TEX14: variants seen among roughly 807,000 people sequenced by gnomAD.
The protein encoded by TEX14 is inactive serine/threonine-protein kinase TEX14.
TEX14 carries 168 observed loss-of-function variants against 178.6 expected under a neutral mutation model. The ratio of observed to expected loss-of-function variants is 0.94; its 90% confidence interval spans 0.83 to 1.07. The LOEUF is 1.07. Among genes scored for constraint, TEX14 ranks in the 50% least tolerant of loss-of-function variants. The probability of loss-of-function intolerance (pLI) is 0.00; values close to 1 mark genes in which losing one functional copy is unlikely to be tolerated. For synonymous variants in TEX14, 626 were observed against 634.1 expected (o/e 0.99, Z 0.19); for missense variants, 1,730 against 1,753.6 (o/e 0.99, Z 0.24).
chr17:58,574,133 T>C, intron 22 of TEX14, 54 bp downstream of exon 22: 1 of 1,434,698 alleles, frequency 7.0e-7, no homozygotes, highest in Non-Finnish European at 9.8e-7. Context: ...TACTATTCCC[T>C]TAAAACCAAG....
intron 1 of TEX14, among the ~76,000 whole-genome samples, chr17:58,652,367 G>T (rs552877415): frequency 4.2e-4 from 64 of 152,262 alleles, no homozygotes; most frequent in African/African-American, 1.5e-3. Flanking sequence ...CATGGTGGCG[G>T]TTACCCTCAT....
At chr17:58,596,701 T>C (rs572507121) in intron 14 of TEX14, among the ~76,000 whole-genome samples, 208 of 149,628 alleles carry the variant, frequency 1.4e-3, no homozygotes, top group African/African-American at 4.9e-3. Context: ...CTGGGCAACA[T>C]AGTGAAACCC....
intron 2 of TEX14, among the ~76,000 whole-genome samples, chr17:58,641,239 C>T (rs1023042226): frequency 3.3e-4 from 50 of 151,762 alleles, no homozygotes; most frequent in Non-Finnish European, 5.6e-4. Flanking sequence ...GGAGAAACCC[C>T]GTCTCTACTA....
intron 2 of TEX14, among the ~76,000 whole-genome samples, chr17:58,632,366 G>A (rs967004584): frequency 1.3e-5 from 2 of 152,148 alleles, no homozygotes; most frequent in Non-Finnish European, 2.9e-5. Flanking sequence ...TGGCATTGCT[G>A]TGTTTATTTT....
chr17:58,573,061 A>G, intron 23 of TEX14, 120 bp downstream of exon 23: 1 of 1,414,696 alleles, frequency 7.1e-7, no homozygotes. Context: ...GGCCCTAAAG[A>G]AAAACCTTTG....
intron 21 of TEX14, among the ~76,000 whole-genome samples, chr17:58,575,370 C>T (rs933456595): frequency 1.3e-5 from 2 of 152,136 alleles, no homozygotes; most frequent in African/African-American, 2.4e-5. Flanking sequence ...CCTGCCTCGG[C>T]CTCCCAAAGT....
At chr17:58,615,133 C>T in intron 8 of TEX14, 99 bp downstream of exon 8, 1 of 662,968 alleles carries the variant, frequency 1.5e-6, no homozygotes. Flanking sequence ...AGACTGAGAG[C>T]AGCTGGAGCT....
intron 12 of TEX14, 61 bp from the exon 13 acceptor site, chr17:58,602,017 T>G (rs2045464516): frequency 6.4e-7 from 1 of 1,560,384 alleles, no homozygotes. Flanking sequence ...TCACTGGTGC[T>G]TTAGAAACCA....
chr17:58,583,469 T>A (rs1359964927), intron 19 of TEX14, among the ~76,000 whole-genome samples: 1 of 152,074 alleles, frequency 6.6e-6, no homozygotes, highest in Non-Finnish European at 1.5e-5. Context: ...CATACTATGG[T>A]GCCCAGCCTG....
At chr17:58,670,901 A>T (rs2143474195) in intron 1 of TEX14, among the ~76,000 whole-genome samples, 1 of 152,156 alleles carries the variant, frequency 6.6e-6, no homozygotes, top group East Asian at 1.9e-4. Flanking sequence ...GCATATATTA[A>T]TTAGCTCCCT....
intron 1 of TEX14, among the ~76,000 whole-genome samples, chr17:58,675,860 T>G (rs2143510906): frequency 6.6e-6 from 1 of 152,360 alleles, no homozygotes; most frequent in East Asian, 1.9e-4. Context: ...AAAGGTACGG[T>G]GATTACAAGC....
intron 15 of TEX14, among the ~76,000 whole-genome samples, chr17:58,589,170 T>G: frequency 6.7e-6 from 1 of 148,832 alleles, no homozygotes; most frequent in Non-Finnish European, 1.5e-5. Flanking sequence ...GGCTGAGGCA[T>G]GAGAATTGCT....
chr17:58,594,825 A>C (rs926843034), intron 14 of TEX14, among the ~76,000 whole-genome samples: 3 of 141,908 alleles, frequency 2.1e-5, no homozygotes, highest in African/African-American at 8.1e-5. Context: ...CTCTTTATTC[A>C]AGAGACTATT....
At position 58,613,753 on chromosome 17, in the gene TEX14, G is replaced by A. The variant is rs202046518; in HGVS notation, c.882-209C>T. On this transcript the variant is annotated intron_variant, in intron 8 of 31. Coordinates refer to ENST00000349033, the MANE Select transcript of TEX14 (RefSeq NM_031272.5). The stretch of plus-strand genomic sequence containing the variant: ...TCTCGGCTGGCTCACTGCAACCTCC[G>A]CCTCCTGGGTTGAAGCGATTCTACT... Among the ~76,000 whole-genome samples the A allele has an allele frequency of 2.3e-4, 35 of 152,034 alleles. No homozygotes were observed. In the East Asian group the frequency reaches 5.4e-3, roughly 24 times the overall value.
rs572320545 is a variant in TEX14, at chr17:58,572,494, C to T, written c.3512-368G>A. 1.8e-4 allele frequency among the ~76,000 whole-genome samples: 27 copies of T among 151,900 alleles called. No homozygotes were observed. In the South Asian group the frequency reaches 2.5e-3, roughly 14 times the overall value. On this transcript the variant is annotated intron_variant, in intron 23 of 31. Coordinates refer to ENST00000349033, the MANE Select transcript of TEX14 (RefSeq NM_031272.5). ...AAAAATACAAAACATTAGCTGGGTG[C>T]GGTGGCGGGCGCCTGTAGTCCCAGC...
intron 20 of TEX14, among the ~76,000 whole-genome samples, chr17:58,579,363 C>T (rs1256827347): frequency 1.3e-5 from 2 of 152,180 alleles, no homozygotes; most frequent in Non-Finnish European, 2.9e-5. Context: ...CTATGTGGCA[C>T]ACCAAGGAGC....
intron 1 of TEX14, among the ~76,000 whole-genome samples, chr17:58,677,300 C>G (rs2047411363): frequency 6.6e-6 from 1 of 152,018 alleles, no homozygotes. Flanking sequence ...AATAAAAATG[C>G]TTAAAGGAAA....
At chr17:58,657,612 T>A (rs1200726863) in intron 1 of TEX14, among the ~76,000 whole-genome samples, 7 of 147,164 alleles carry the variant, frequency 4.8e-5, no homozygotes, top group Admixed American at 7.0e-5. Context: ...CCTCCGGGGT[T>A]CAAACAATTG....
At chr17:58,633,997 GA>G (rs2046379837) in intron 2 of TEX14, among the ~76,000 whole-genome samples, 1 of 148,994 alleles carries the variant, frequency 6.7e-6, no homozygotes, top group African/African-American at 2.5e-5. Flanking sequence ...AATAAGGAAA[GA>G]AGCCAAAAAG....
Sources: allele counts gnomAD v4.1 joint callset (sites outside exome capture counted in the v4.1 genomes callset), GRCh38; gene constraint gnomAD v4.1.1; transcripts MANE v1.5; gene names NCBI Gene and HGNC (gene_info 2026-07-23, HGNC 2026-07-21).